MAP3K3: variants seen among roughly 807,000 people sequenced by gnomAD.
MAP3K3 encodes the protein mitogen-activated protein kinase kinase kinase 3.
A neutral mutation model predicts 80.9 loss-of-function variants in MAP3K3; 12 were observed. The observed-to-expected ratio is 0.15, with a 90% CI of 0.10 to 0.24. The LOEUF is 0.24. MAP3K3 is among the 10% of genes least tolerant of loss of function. MAP3K3 has a pLI of 1.00. For synonymous variants in MAP3K3, 272 were observed against 307.1 expected, an observed-to-expected ratio of 0.89 and a Z score of 1.19; for missense variants, 596 against 834.7, an observed-to-expected ratio of 0.71 and a Z score of 3.52.
At chr17:63,678,981 A>T (rs2035275914) in intron 6 of MAP3K3, among the ~76,000 whole-genome samples, 1 of 152,188 alleles carries the variant, frequency 6.6e-6, no homozygotes, top group South Asian at 2.1e-4. Flanking sequence ...TTGAGCCAAG[A>T]TTGTACCACT....
intron 2 of MAP3K3, chr17:63,636,900 A>G: frequency 2.1e-6 from 1 of 476,982 alleles, no homozygotes; most frequent in South Asian, 2.2e-5. Flanking sequence ...AGACCAATAT[A>G]GCCCAATTGG....
At chr17:63,675,324 G>A (rs2035195386) in intron 6 of MAP3K3, among the ~76,000 whole-genome samples, 2 of 152,314 alleles carry the variant, frequency 1.3e-5, no homozygotes, top group South Asian at 4.1e-4. Flanking sequence ...AAAGAGTTTA[G>A]GAAATAGTTA....
chr17:63,642,759 T>C (rs2143267831), intron 2 of MAP3K3, among the ~76,000 whole-genome samples: 1 of 152,146 alleles, frequency 6.6e-6, no homozygotes, highest in East Asian at 1.9e-4. Context: ...TTTTGTTTTG[T>C]TTCAATATAT....
intron 6 of MAP3K3, among the ~76,000 whole-genome samples, chr17:63,671,254 T>A (rs1212184255): frequency 5.7e-5 from 8 of 141,144 alleles, no homozygotes; most frequent in Non-Finnish European, 6.0e-5. Flanking sequence ...AGTTCAAAAT[T>A]ATTTTCTTTT....
At chr17:63,623,166 T>G (rs2034028993) in intron 1 of MAP3K3, among the ~76,000 whole-genome samples, 1 of 152,036 alleles carries the variant, frequency 6.6e-6, no homozygotes, top group African/African-American at 2.4e-5. Context: ...TGCTGTTGTG[T>G]CTTTTCCTTG....
chr17:63,670,388 G>C (rs2143483783), intron 6 of MAP3K3, among the ~76,000 whole-genome samples: 1 of 152,042 alleles, frequency 6.6e-6, no homozygotes, highest in South Asian at 2.1e-4. Flanking sequence ...TTTGAGACCA[G>C]CCTGACCAAC....
chr17:63,667,009 A>G lies in MAP3K3; in HGVS notation c.451A>G (p.Ile151Val), dbSNP rs773535213. Residue 151 changes from isoleucine (I) to valine (V), a missense_variant, in exon 6 of 16, where the codon ATA becomes GTA. Ile to Val is a conservative substitution (Grantham distance 29, BLOSUM62 3). Transcript: ENST00000361733. ...RIKASQSAGD[I>V]NTIYQPPEPR... ...CAAGGCTTCCCAGTCCGCAGGGGAT[A>G]TAAATACTATCTACCAGCCCCCCGA... 6.8e-6 allele frequency: 11 copies of G among 1,612,840 alleles called. No homozygotes were observed. In the Admixed American group the frequency reaches 1.7e-4, roughly 25 times the overall value.
chr17:63,690,637 C>A, intron 12 of MAP3K3: 1 of 530,620 alleles, frequency 1.9e-6, no homozygotes. Context: ...TAAGCTGATG[C>A]CAAAGTACCA....
chr17:63,659,974 G>A (rs2034854209), intron 5 of MAP3K3, among the ~76,000 whole-genome samples: 1 of 151,978 alleles, frequency 6.6e-6, no homozygotes, highest in East Asian at 1.9e-4. Flanking sequence ...TTTTTCAAAG[G>A]GCCCTCTCCA....
chr17:63,688,016 G>A (rs1175798849), intron 8 of MAP3K3, among the ~76,000 whole-genome samples: 1 of 152,150 alleles, frequency 6.6e-6, no homozygotes, highest in Admixed American at 6.5e-5. Flanking sequence ...ATCTGTAGGG[G>A]TGTCTGTGAA....
Position 63,625,314 on chromosome 17 carries a change from C to CT in MAP3K3, c.4+2552dup, listed in dbSNP as rs138061992. The stretch of plus-strand genomic sequence containing the variant: ...TTTTTTTTGCTTTGATACTATGTGG[C>CT]TATAAAAAATTGGGATTGACTGGTT... On this transcript the variant is annotated intron_variant, in intron 1 of 15. Coordinates refer to ENST00000361733, the MANE Select transcript of MAP3K3 (RefSeq NM_002401.5). 8.5e-3 allele frequency among the ~76,000 whole-genome samples: 1,289 copies of CT among 151,994 alleles called. 21 individuals are homozygous for CT. The highest frequency in any genetic ancestry group is 0.029 in the African/African-American group (1,214 of 41,448).
intron 5 of MAP3K3, among the ~76,000 whole-genome samples, chr17:63,659,774 G>A (rs574772748): frequency 3.3e-5 from 5 of 151,796 alleles, no homozygotes; most frequent in Admixed American, 1.3e-4. Flanking sequence ...CTTGTGATCC[G>A]CCCGCCTTGG....
intron 2 of MAP3K3, among the ~76,000 whole-genome samples, chr17:63,641,057 G>A (rs1264391940): frequency 6.6e-6 from 1 of 151,988 alleles, no homozygotes; most frequent in East Asian, 1.9e-4. Flanking sequence ...CAAGAATTTT[G>A]GCTAAAGGAT....
intron 3 of MAP3K3, among the ~76,000 whole-genome samples, chr17:63,647,935 A>G (rs566309770): frequency 6.6e-6 from 1 of 152,386 alleles, no homozygotes; most frequent in South Asian, 2.1e-4. Flanking sequence ...TATCCATGAC[A>G]GGTATTCATT....
intron 1 of MAP3K3, 111 bp from the exon 2 acceptor site, chr17:63,632,570 T>C: frequency 8.4e-7 from 1 of 1,191,698 alleles, no homozygotes; most frequent in East Asian, 2.4e-5. Flanking sequence ...AGTTACAGGG[T>C]CTGTCATTTT....
At chr17:63,685,619 A>G (rs762439194) in intron 8 of MAP3K3, 29 bp downstream of exon 8, 20 of 1,593,434 alleles carry the variant, frequency 1.3e-5, no homozygotes, top group South Asian at 9.9e-5. Flanking sequence ...TTTGGAGGGT[A>G]ATGCATAGGC....
intron 5 of MAP3K3, among the ~76,000 whole-genome samples, chr17:63,664,271 G>T (rs953174286): frequency 4.2e-5 from 6 of 141,726 alleles, no homozygotes; most frequent in African/African-American, 1.6e-4. Flanking sequence ...AAAAAAAAAA[G>T]GGCTTTAATA....
Position 63,653,452 on chromosome 17 carries a change from T to G in MAP3K3, c.267+796T>G, listed in dbSNP as rs372344776. ...ATTTTATTTGATGAGGAGTTAAAAT[T>G]TTTCTTTTAGTAAAGACTTTTCTGA... On this transcript the variant is annotated intron_variant, in intron 4 of 15. Coordinates refer to ENST00000361733, the MANE Select transcript of MAP3K3 (RefSeq NM_002401.5). Among the ~76,000 whole-genome samples, 33 of 152,358 alleles carry G rather than the reference T, an allele frequency of 2.2e-4. No homozygotes were observed. In the East Asian group the frequency reaches 4.6e-3, roughly 21 times the overall value.
Position 63,691,819 on chromosome 17 carries a change from G to A in MAP3K3, c.1431G>A (p.Met477Ile), listed in dbSNP as rs762993883. ...ACACGCGGCAGATCCTGGAGGGCAT[G>A]TCCTACCTGCACAGCAACATGATTG... ...RKYTRQILEG[M>I]SYLHSNMIVH... Residue 477 changes from methionine (M) to isoleucine (I), a missense_variant, in exon 14 of 16, where the codon ATG becomes ATA. Physicochemically the swap from Met to Ile is conservative, Grantham distance 10. Coordinates refer to ENST00000361733, the MANE Select transcript of MAP3K3 (RefSeq NM_002401.5). The surrounding 1 kb of genome is among the most constrained non-coding windows in gnomAD (Gnocchi z 4.8). The A allele has an allele frequency of 1.2e-6, 2 of 1,614,146 alleles. No individual in the cohort carries two copies. The highest frequency in any genetic ancestry group is 1.7e-5 in the Admixed American group (1 of 60,030).
Sources: gnomAD v4.1 joint callset for allele counts (sites outside exome capture counted in the v4.1 genomes callset) on GRCh38, gnomAD v4.1.1 for gene constraint, Gnocchi (gnomAD v3.1) non-coding constraint, MANE v1.5 for transcripts, NCBI Gene and HGNC (gene_info 2026-07-23, HGNC 2026-07-21) for gene names.